The following TBC1D5 variants were observed in gnomAD, a reference collection of about 807,000 sequenced individuals.
The protein encoded by TBC1D5 is TBC1 domain family, member 5.
A neutral mutation model predicts 100.3 loss-of-function variants in TBC1D5; 75 were observed. That is an observed-to-expected ratio of 0.75 (90% CI 0.62 to 0.91). The LOEUF (loss-of-function observed/expected upper bound fraction) is 0.91, where lower values mean the gene tolerates loss of function less well. Among genes scored for constraint, TBC1D5 ranks in the 40% least tolerant of loss-of-function variants. The probability of loss-of-function intolerance (pLI) is 0.00; values close to 1 mark genes in which losing one functional copy is unlikely to be tolerated. For missense variants in TBC1D5, 910 were observed against 942.4 expected, an observed-to-expected ratio of 0.97 and a Z score of 0.45; for synonymous variants, 323 against 325.6, an observed-to-expected ratio of 0.99 and a Z score of 0.09.
intron 1 of TBC1D5, among the ~76,000 whole-genome samples, chr3:17,665,826 A>T (rs2153752119): frequency 6.6e-6 from 1 of 152,256 alleles, no homozygotes; most frequent in East Asian, 1.9e-4. Context: ...CCTAGCTCCA[A>T]TTTTAGGATC....
chr3:17,417,021 G>C (rs1034482398), intron 4 of TBC1D5, among the ~76,000 whole-genome samples: 3 of 152,152 alleles, frequency 2.0e-5, no homozygotes, highest in African/African-American at 7.2e-5. Flanking sequence ...CTGCTTCCCT[G>C]TGGTAAGGTG....
intron 16 of TBC1D5, among the ~76,000 whole-genome samples, chr3:17,240,711 AT>A (rs2076235701): frequency 6.6e-6 from 1 of 152,108 alleles, no homozygotes; most frequent in Admixed American, 6.5e-5. Flanking sequence ...GTTCTGTTGC[AT>A]TTTAGTTTTG....
At chr3:17,170,467 A>G (rs945873953) in intron 19 of TBC1D5, among the ~76,000 whole-genome samples, 1 of 152,106 alleles carries the variant, frequency 6.6e-6, no homozygotes, top group Admixed American at 6.6e-5. Context: ...ATCTGCAGAA[A>G]CCGATGTAAG....
intron 10 of TBC1D5, 104 bp downstream of exon 10, chr3:17,376,421 C>T (rs186189578): frequency 2.1e-6 from 2 of 944,114 alleles, no homozygotes; most frequent in Non-Finnish European, 3.2e-6. Context: ...ACAACTTGTA[C>T]AGCTTGTAAG....
chr3:17,237,041 T>A (rs1011912660), intron 17 of TBC1D5, among the ~76,000 whole-genome samples: 1 of 152,232 alleles, frequency 6.6e-6, no homozygotes, highest in African/African-American at 2.4e-5. Context: ...AATCAGAAAC[T>A]AATTTTGAAT....
intron 2 of TBC1D5, among the ~76,000 whole-genome samples, chr3:17,604,753 C>A (rs1299414890): frequency 6.6e-6 from 1 of 152,204 alleles, no homozygotes; most frequent in Non-Finnish European, 1.5e-5. Context: ...GTGCTCACTG[C>A]AACCTCCACT....
At chr3:17,593,577 GT>G (rs1185274686) in intron 2 of TBC1D5, among the ~76,000 whole-genome samples, 2 of 152,164 alleles carry the variant, frequency 1.3e-5, no homozygotes, top group Non-Finnish European at 2.9e-5. Context: ...CCGCTTATGG[GT>G]TTGCCTATCC....
intron 18 of TBC1D5, among the ~76,000 whole-genome samples, chr3:17,191,269 G>A (rs1213588716): frequency 6.6e-6 from 1 of 152,140 alleles, no homozygotes; most frequent in African/African-American, 2.4e-5. Context: ...TCAGTTTCCT[G>A]TTTACAAAAT....
chr3:17,476,813 T>G (rs1425982730), intron 3 of TBC1D5, among the ~76,000 whole-genome samples: 3 of 151,964 alleles, frequency 2.0e-5, no homozygotes, highest in Non-Finnish European at 4.4e-5. Flanking sequence ...AACTACCACA[T>G]AGTTTACTGA....
chr3:17,644,076 G>C (rs565684943), intron 1 of TBC1D5: 1 of 152,120 alleles, frequency 6.6e-6, no homozygotes, highest in African/African-American at 2.4e-5. Flanking sequence ...GTGAATTCCA[G>C]AGCTCCAATT....
At chr3:17,182,070 G>C (rs1241287334) in intron 19 of TBC1D5, among the ~76,000 whole-genome samples, 4 of 152,082 alleles carry the variant, frequency 2.6e-5, no homozygotes, top group Admixed American at 1.3e-4. Context: ...AACAAATCAA[G>C]AGCATCAAGT....
chr3:17,718,856 A>T (rs559678200), intron 1 of TBC1D5, among the ~76,000 whole-genome samples: 1 of 152,192 alleles, frequency 6.6e-6, no homozygotes, highest in African/African-American at 2.4e-5. Flanking sequence ...AAAACCCTAT[A>T]GACAGATGAC....
chr3:17,303,872 A>G (rs2083126936), intron 14 of TBC1D5, among the ~76,000 whole-genome samples: 1 of 113,584 alleles, frequency 8.8e-6, no homozygotes, highest in Admixed American at 1.2e-4. Flanking sequence ...GAGGCCAGGT[A>G]CCACTTCCCA....
At chr3:17,499,435 C>A (rs1013827126) in intron 3 of TBC1D5, among the ~76,000 whole-genome samples, 2 of 134,908 alleles carry the variant, frequency 1.5e-5, no homozygotes, top group African/African-American at 6.7e-5. Flanking sequence ...AGGTAGGGGA[C>A]TGTGGCTCAC....
intron 3 of TBC1D5, among the ~76,000 whole-genome samples, chr3:17,502,327 T>C (rs1401443781): frequency 1.3e-5 from 2 of 149,750 alleles, no homozygotes; most frequent in Admixed American, 6.6e-5. Flanking sequence ...ACTGGACACT[T>C]CTATTTTCTT....
chr3:17,258,574 C>T (rs751747620), exon 16 of TBC1D5: 1 of 1,612,322 alleles, frequency 6.2e-7, no homozygotes, highest in South Asian at 1.1e-5. Context: ...ATTGATAAGT[C>T]ACTGGTCTTG....
intron 13 of TBC1D5, among the ~76,000 whole-genome samples, chr3:17,360,641 C>T (rs2091619891): frequency 6.6e-6 from 1 of 151,828 alleles, no homozygotes; most frequent in Non-Finnish European, 1.5e-5. Context: ...AATTTAGTGA[C>T]ATATTTACAA....
chr3:17,644,154 C>T (rs1203451926), intron 1 of TBC1D5: 1 of 152,104 alleles, frequency 6.6e-6, no homozygotes, highest in Non-Finnish European at 1.5e-5. Context: ...AAATTATTCA[C>T]TTACTCTTTC....
chr3:17,584,241 T>C (rs2096718546), intron 2 of TBC1D5, among the ~76,000 whole-genome samples: 1 of 152,230 alleles, frequency 6.6e-6, no homozygotes, highest in Non-Finnish European at 1.5e-5. Context: ...TTTGGCATGA[T>C]GGAAATGTTC....
Sources: gnomAD v4.1 joint callset for allele counts (sites outside exome capture counted in the v4.1 genomes callset) on GRCh38, gnomAD v4.1.1 for gene constraint, MANE v1.5 for transcripts, NCBI Gene and HGNC (gene_info 2026-07-23, HGNC 2026-07-21) for gene names.